The following ESRRG variants were observed in gnomAD, a reference collection of about 807,000 sequenced individuals.
The protein encoded by ESRRG is estrogen related receptor gamma.
In ESRRG, 13 loss-of-function variants were observed where a neutral mutation model predicts 44.0. That is an observed-to-expected ratio of 0.30 (90% CI 0.19 to 0.47). The LOEUF (loss-of-function observed/expected upper bound fraction) is 0.47, where lower values mean the gene tolerates loss of function less well. Ranked by LOEUF, ESRRG falls within the 20% of genes least tolerant of loss-of-function variation. The pLI is 1.00. For missense variants in ESRRG, 395 were observed against 580.6 expected, an observed-to-expected ratio of 0.68 and a Z score of 3.29; for synonymous variants, 215 against 214.6, an observed-to-expected ratio of 1.00 and a Z score of -0.02.
chr1:216,953,483 TA>T (rs1180961624), intron 1 of ESRRG, among the ~76,000 whole-genome samples: 1 of 152,002 alleles, frequency 6.6e-6, no homozygotes, highest in Admixed American at 6.6e-5. Flanking sequence ...ACTATGAAAA[TA>T]CTGAGGGTAA....
At chr1:217,122,182 T>C (rs747288232) in intron 1 of ESRRG, among the ~76,000 whole-genome samples, 24 of 152,220 alleles carry the variant, frequency 1.6e-4, no homozygotes, top group Non-Finnish European at 3.1e-4. Flanking sequence ...GGATCTTCTT[T>C]TATATGCTAA....
chr1:216,537,195 T>C (rs1003549504), intron 5 of ESRRG, among the ~76,000 whole-genome samples: 3 of 151,942 alleles, frequency 2.0e-5, no homozygotes, highest in African/African-American at 7.3e-5. Context: ...ATTAATGAAA[T>C]TAGTGCCCTT....
chr1:217,134,626 GC>G (rs1048036329), intron 1 of ESRRG, among the ~76,000 whole-genome samples: 28 of 152,212 alleles, frequency 1.8e-4, no homozygotes, highest in African/African-American at 6.8e-4. Context: ...CCCGCCGTGC[GC>G]GAGTTTCCAG....
intron 1 of ESRRG, among the ~76,000 whole-genome samples, chr1:217,127,883 T>C (rs762533999): frequency 1.2e-4 from 18 of 152,258 alleles, no homozygotes; most frequent in Non-Finnish European, 2.1e-4. Context: ...ATGTCTCATA[T>C]GTAGAAAACA....
intron 3 of ESRRG, among the ~76,000 whole-genome samples, chr1:216,584,053 A>G (rs1470202605): frequency 6.6e-6 from 1 of 152,194 alleles, no homozygotes; most frequent in Admixed American, 6.5e-5. Flanking sequence ...AGGAGAGAGC[A>G]TAGCCAAGAG....
rs918833349 is a variant in ESRRG, at chr1:216,736,005, T to C, written c.-13-58514A>G. Among the ~76,000 whole-genome samples, 36 of 147,658 alleles carry C rather than the reference T, an allele frequency of 2.4e-4. No homozygotes were observed. In the East Asian group the frequency reaches 7.3e-3, roughly 30 times the overall value. On this transcript the variant is annotated intron_variant, in intron 2 of 7. Transcript: ENST00000359162. ...AAAAAAAAATATATATATATATATATATACACACATACATATATTTGCTTT... is the reference window on the plus strand; with the variant it reads ...AAAAAAAAATATATATATATATATACATACACACATACATATATTTGCTTT...
chr1:216,639,857 C>T (rs1036097670), intron 3 of ESRRG, among the ~76,000 whole-genome samples: 12 of 152,160 alleles, frequency 7.9e-5, no homozygotes, highest in African/African-American at 2.9e-4. Context: ...CTCAGATAGT[C>T]ATCTATAAAA....
intron 3 of ESRRG, among the ~76,000 whole-genome samples, chr1:216,605,669 G>T (rs536605223): frequency 6.6e-6 from 1 of 151,876 alleles, no homozygotes; most frequent in Admixed American, 6.6e-5. Flanking sequence ...TGTGGAACTC[G>T]GGAAAGACAT....
intron 1 of ESRRG, among the ~76,000 whole-genome samples, chr1:216,963,227 A>G (rs781167181): frequency 1.3e-5 from 2 of 152,212 alleles, no homozygotes; most frequent in Non-Finnish European, 2.9e-5. Context: ...ATGAAATTAT[A>G]GTGAAAGGAA....
chr1:217,109,071 G>A (rs2092632088), intron 1 of ESRRG, among the ~76,000 whole-genome samples: 1 of 152,152 alleles, frequency 6.6e-6, no homozygotes, highest in South Asian at 2.1e-4. Flanking sequence ...CCACAAAAAT[G>A]TAATGGGACA....
intron 3 of ESRRG, among the ~76,000 whole-genome samples, chr1:216,623,701 T>C (rs2062692103): frequency 1.3e-5 from 2 of 152,124 alleles, no homozygotes. Context: ...ATACCGACCT[T>C]TCTAGGAGAC....
chr1:216,831,887 C>T (rs1381977139), intron 2 of ESRRG, among the ~76,000 whole-genome samples: 1 of 152,134 alleles, frequency 6.6e-6, no homozygotes, highest in Non-Finnish European at 1.5e-5. Flanking sequence ...AATATATATA[C>T]ATTTTTTAAA....
At chr1:216,861,804 G>A (rs2096059633) in intron 2 of ESRRG, among the ~76,000 whole-genome samples, 1 of 151,728 alleles carries the variant, frequency 6.6e-6, no homozygotes, top group Admixed American at 6.6e-5. Flanking sequence ...TCAAATAAAA[G>A]GTTTATATCT....
chr1:216,875,029 G>A lies in ESRRG; in HGVS notation c.-14+64553C>T, dbSNP rs2083002. On this transcript the variant is annotated intron_variant, in intron 2 of 7. Transcript: ENST00000359162. Reference sequence around the variant, plus strand: ...CCTTACTTTTAAAGTTTTGGGATTCGAACTGATCCACCACCGGTTTCCTTA... The same window carrying A: ...CCTTACTTTTAAAGTTTTGGGATTCAAACTGATCCACCACCGGTTTCCTTA... 1.9e-3 allele frequency among the ~76,000 whole-genome samples: 283 copies of A among 152,192 alleles called. 3 individuals are homozygous for A. The highest frequency in any genetic ancestry group is 6.6e-3 in the African/African-American group (274 of 41,532).
intron 1 of ESRRG, among the ~76,000 whole-genome samples, chr1:216,702,608 CAA>C (rs61361041): frequency 1.4e-4 from 18 of 132,332 alleles, no homozygotes; most frequent in Non-Finnish European, 1.7e-4. Flanking sequence ...ACTAAAAATA[CAA>C]AAAAAAAAAA....
chr1:216,896,307 G>A (rs1449346413), intron 2 of ESRRG, among the ~76,000 whole-genome samples: 2 of 152,126 alleles, frequency 1.3e-5, no homozygotes, highest in Admixed American at 1.3e-4. Context: ...ATTTTCCATA[G>A]AATAAAGTAT....
intron 1 of ESRRG, among the ~76,000 whole-genome samples, chr1:217,056,108 A>G (rs2151295803): frequency 6.6e-6 from 1 of 152,162 alleles, no homozygotes; most frequent in South Asian, 2.1e-4. Context: ...GAGATCCTCC[A>G]TGTTCTCTTT....
intron 3 of ESRRG, among the ~76,000 whole-genome samples, chr1:216,635,128 T>C (rs1044085598): frequency 1.4e-4 from 21 of 152,120 alleles, no homozygotes; most frequent in African/African-American, 5.1e-4. Context: ...AGGATATAAG[T>C]GCCACACAGA....
At chr1:216,769,251 A>C (rs912768892) in intron 2 of ESRRG, among the ~76,000 whole-genome samples, 1 of 152,130 alleles carries the variant, frequency 6.6e-6, no homozygotes, top group Admixed American at 6.6e-5. Context: ...TGCATTTCAG[A>C]TGAAAGAAAG....
Sources: allele counts gnomAD v4.1 joint callset (sites outside exome capture counted in the v4.1 genomes callset), GRCh38; gene constraint gnomAD v4.1.1; transcripts MANE v1.5; gene names NCBI Gene and HGNC (gene_info 2026-07-23, HGNC 2026-07-21).